BTBD9: variants seen among roughly 807,000 people sequenced by gnomAD.
BTBD9 encodes the protein BTB domain containing 9.
A neutral mutation model predicts 64.3 loss-of-function variants in BTBD9; 49 were observed. That is an observed-to-expected ratio of 0.76 (90% CI 0.61 to 0.97). BTBD9 has a LOEUF of 0.97. BTBD9 is among the 50% of genes least tolerant of loss of function. The pLI, the probability that BTBD9 is intolerant of heterozygous loss-of-function variation, is 0.00. For synonymous variants in BTBD9, 260 were observed against 274.7 expected, an observed-to-expected ratio of 0.95 and a Z score of 0.53; for missense variants, 598 against 762.1, an observed-to-expected ratio of 0.78 and a Z score of 2.53.
chr6:38,476,820 A>C (rs1190029130), intron 6 of BTBD9, among the ~76,000 whole-genome samples: 2 of 152,278 alleles, frequency 1.3e-5, no homozygotes, highest in Non-Finnish European at 2.9e-5. Flanking sequence ...ATGGGAAAAG[A>C]GCAAACAGTT....
At chr6:38,257,811 G>C (rs1434624003) in intron 8 of BTBD9, among the ~76,000 whole-genome samples, 4 of 152,050 alleles carry the variant, frequency 2.6e-5, no homozygotes, top group African/African-American at 9.7e-5. Flanking sequence ...GTTAGTTCTG[G>C]GGGAGGTATC....
intron 10 of BTBD9, among the ~76,000 whole-genome samples, chr6:38,177,269 T>TA (rs1761314417): frequency 6.6e-6 from 1 of 152,192 alleles, no homozygotes; most frequent in African/African-American, 2.4e-5. Flanking sequence ...ACTCCTCTGG[T>TA]ATTGAATGGT....
chr6:38,401,663 T>G (rs1766932680), intron 6 of BTBD9, among the ~76,000 whole-genome samples: 1 of 152,222 alleles, frequency 6.6e-6, no homozygotes. Flanking sequence ...AGGATAGAGC[T>G]ATTATGAATT....
At chr6:38,177,903 A>G (rs1411206865) in intron 10 of BTBD9, among the ~76,000 whole-genome samples, 1 of 152,224 alleles carries the variant, frequency 6.6e-6, no homozygotes. Context: ...TATTTCTTCT[A>G]AAGAACTCCT....
At chr6:38,451,151 T>G (rs1488891632) in intron 6 of BTBD9, among the ~76,000 whole-genome samples, 2 of 152,194 alleles carry the variant, frequency 1.3e-5, no homozygotes, top group African/African-American at 4.8e-5. Context: ...CCAACGGAAC[T>G]TGTTACTGCA....
At chr6:38,535,093 G>C (rs574953492) in intron 6 of BTBD9, among the ~76,000 whole-genome samples, 1 of 151,984 alleles carries the variant, frequency 6.6e-6, no homozygotes, top group African/African-American at 2.4e-5. Context: ...GTTTGAAGAG[G>C]ATATGATCTT....
chr6:38,537,376 T>A (rs1774068942), intron 6 of BTBD9, among the ~76,000 whole-genome samples: 1 of 152,238 alleles, frequency 6.6e-6, no homozygotes, highest in Admixed American at 6.5e-5. Flanking sequence ...TTTCTTTTTA[T>A]TATCTTCCAC....
chr6:38,320,305 G>T (rs1320492424), intron 7 of BTBD9, among the ~76,000 whole-genome samples: 1 of 152,122 alleles, frequency 6.6e-6, no homozygotes, highest in African/African-American at 2.4e-5. Flanking sequence ...GGTGTTCCTG[G>T]GGGGAGGATG....
chr6:38,192,704 G>A, intron 9 of BTBD9, 107 bp from the exon 10 acceptor site: 1 of 954,240 alleles, frequency 1.0e-6, no homozygotes, highest in Non-Finnish European at 1.7e-6. Flanking sequence ...CCTGTCCTCG[G>A]AGACCTGCAC....
intron 6 of BTBD9, among the ~76,000 whole-genome samples, chr6:38,510,979 T>C (rs1337406659): frequency 6.6e-6 from 1 of 152,178 alleles, no homozygotes; most frequent in African/African-American, 2.4e-5. Context: ...TCTAAAAGTA[T>C]AGTGAATTAC....
chr6:38,410,623 A>G (rs1373663642), intron 6 of BTBD9, among the ~76,000 whole-genome samples: 3 of 152,248 alleles, frequency 2.0e-5, no homozygotes, highest in Non-Finnish European at 2.9e-5. Context: ...ATAAGAAAAC[A>G]TGAAAATATT....
chr6:38,341,032 C>T (rs770134994), intron 7 of BTBD9, among the ~76,000 whole-genome samples: 19 of 152,204 alleles, frequency 1.2e-4, no homozygotes, highest in African/African-American at 3.6e-4. Context: ...ACACTCTATA[C>T]GAGAAAAGCC....
At chr6:38,241,748 C>T (rs577253880) in intron 9 of BTBD9, among the ~76,000 whole-genome samples, 1 of 152,070 alleles carries the variant, frequency 6.6e-6, no homozygotes. Context: ...AAAATGTCAA[C>T]TGTGGGGAAA....
intron 6 of BTBD9, among the ~76,000 whole-genome samples, chr6:38,495,220 T>C (rs1771898435): frequency 6.6e-6 from 1 of 152,226 alleles, no homozygotes; most frequent in African/African-American, 2.4e-5. Context: ...CGTTTCTTCA[T>C]CTATGAAATG....
At position 38,314,861 on chromosome 6, in the gene BTBD9, T is replaced by C. The variant is rs140180494; in HGVS notation, c.1265-26400A>G. Among the ~76,000 whole-genome samples the C allele has an allele frequency of 3.1e-3, 478 of 152,286 alleles. 5 individuals are homozygous for C. The highest frequency in any genetic ancestry group is 0.011 in the African/African-American group (442 of 41,538). On this transcript the variant is annotated intron_variant, in intron 7 of 10. Transcript: ENST00000481247. ...TTCATCTCTGATTAATTAATTTATT[T>C]ATTTTTGAGACAAAGTCTTGCTCTG...
Position 38,320,943 on chromosome 6 carries a change from T to C in BTBD9, c.1264+24041A>G, listed in dbSNP as rs1042389428. ...AAACTATTAGCACCTGCTAGTGTAATATGCAGCTGGCAGTTTCAGAATAAC... is the reference window on the plus strand; with the variant it reads ...AAACTATTAGCACCTGCTAGTGTAACATGCAGCTGGCAGTTTCAGAATAAC... On this transcript the variant is annotated intron_variant, in intron 7 of 10. Coordinates refer to ENST00000481247, the MANE Select transcript of BTBD9 (RefSeq NM_001099272.2). Among the ~76,000 whole-genome samples the C allele has an allele frequency of 1.6e-4, 24 of 152,234 alleles. 1 individual carries two copies. Among genetic ancestry groups the C allele is most frequent in the African/African-American group, 5.5e-4 (23 of 41,476 alleles).
chr6:38,571,516 T>C (rs977944504), intron 6 of BTBD9, among the ~76,000 whole-genome samples: 7 of 152,228 alleles, frequency 4.6e-5, no homozygotes, highest in Non-Finnish European at 7.3e-5. Flanking sequence ...GCCTAGAATG[T>C]ATAGTAGCAA....
At chr6:38,419,227 C>T (rs1233584588) in intron 6 of BTBD9, among the ~76,000 whole-genome samples, 3 of 152,146 alleles carry the variant, frequency 2.0e-5, no homozygotes, top group Admixed American at 6.5e-5. Context: ...TGTCTCTTTA[C>T]TTAAGGTCTA....
At chr6:38,586,295 TTC>T (rs780412712) in intron 4 of BTBD9, among the ~76,000 whole-genome samples, 6 of 152,130 alleles carry the variant, frequency 3.9e-5, no homozygotes, top group Non-Finnish European at 8.8e-5. Context: ...AAAAAGTTAA[TTC>T]TCTTTCCCCA....
Sources: allele counts gnomAD v4.1 joint callset (sites outside exome capture counted in the v4.1 genomes callset), GRCh38; gene constraint gnomAD v4.1.1; transcripts MANE v1.5; gene names NCBI Gene and HGNC (gene_info 2026-07-23, HGNC 2026-07-21).